Variants in CHCHD2 observed in about 807,000 individuals in gnomAD.
CHCHD2 encodes the protein coiled-coil-helix-coiled-coil-helix domain containing 2.
CHCHD2 carries 17 observed loss-of-function variants against 17.5 expected under a neutral mutation model. That is an observed-to-expected ratio of 0.97 (90% CI 0.67 to 1.46). CHCHD2 has a LOEUF of 1.46. Among genes scored for constraint, CHCHD2 ranks in the 40% most tolerant of loss-of-function variants. The pLI, the probability that CHCHD2 is intolerant of heterozygous loss-of-function variation, is 0.00. For missense variants in CHCHD2, 175 were observed against 199.9 expected (o/e 0.88, Z 0.75); for synonymous variants, 63 against 74.3 (o/e 0.85, Z 0.78).
Position 56,101,839 on chromosome 7 carries a change from T to C in CHCHD2, c.*12A>G. 1 of 1,611,834 alleles carries C rather than the reference T, an allele frequency of 6.2e-7. No individual in the cohort carries two copies. The highest frequency in any genetic ancestry group is 8.5e-7 in the Non-Finnish European group (1 of 1,178,478). ...GAGCTGATTTTCCATCTCTCCAGGTTGAACTTCTTCATTAGGCCAATCCTG... is the reference window on the plus strand; with the variant it reads ...GAGCTGATTTTCCATCTCTCCAGGTCGAACTTCTTCATTAGGCCAATCCTG... On this transcript the variant is annotated 3_prime_UTR_variant, in exon 4 of 4. Transcript: ENST00000395422.
chr7:56,104,719 T>C (rs1341365548), intron 1 of CHCHD2, among the ~76,000 whole-genome samples: 2 of 152,068 alleles, frequency 1.3e-5, no homozygotes, highest in Non-Finnish European at 2.9e-5. Flanking sequence ...GCGATTCTCT[T>C]GCCTCAGCCT....
At chr7:56,104,654 CT>C (rs1459100852) in intron 1 of CHCHD2, among the ~76,000 whole-genome samples, 179 bp from the exon 2 acceptor site, 1 of 151,772 alleles carries the variant, frequency 6.6e-6, no homozygotes, top group African/African-American at 2.4e-5. Context: ...GTTGCCCAGG[CT>C]GGAGTGCAAT....
At chr7:56,103,625 A>G (rs149581099) in intron 2 of CHCHD2, among the ~76,000 whole-genome samples, 1 of 152,332 alleles carries the variant, frequency 6.6e-6, no homozygotes, top group Non-Finnish European at 1.5e-5. Context: ...CTGAAAGCCA[A>G]CAGTTTTAAC....
chr7:56,104,567 T>A, intron 1 of CHCHD2, 92 bp from the exon 2 acceptor site: 5 of 1,258,084 alleles, frequency 4.0e-6, no homozygotes, highest in Non-Finnish European at 5.4e-6. Flanking sequence ...AAAATGGACC[T>A]CAAGATTTTC....
In CHCHD2 at chr7:56,102,753, G is replaced by A. The variant is rs997124700; in HGVS notation, c.445+114C>T. Reference sequence around the variant, plus strand: ...GCCCAGTTGTTAGGAGTTAATTCTAGAGAAATTTCAACAAAGTCTTCTCTA... The same window carrying A: ...GCCCAGTTGTTAGGAGTTAATTCTAAAGAAATTTCAACAAAGTCTTCTCTA... On this transcript the variant is annotated intron_variant, in intron 3 of 3. Coordinates refer to ENST00000395422, the MANE Select transcript of CHCHD2 (RefSeq NM_016139.4). 1.4e-5 allele frequency: 16 copies of A among 1,134,148 alleles called. No homozygotes were observed. The Admixed American group carries it at 3.3e-4, about 23-fold the overall frequency. 70.3% of individuals were successfully genotyped at this position (1,134,148 alleles called of 1,614,324 possible). A position where few individuals can be genotyped will look rare whatever the true frequency, so the allele number is the denominator to read the frequency against.
chr7:56,102,380 G>A (rs141120984), intron 3 of CHCHD2, among the ~76,000 whole-genome samples: 2 of 146,250 alleles, frequency 1.4e-5, no homozygotes, highest in East Asian at 2.0e-4. Flanking sequence ...ATTTGAGACA[G>A]TGTCTCCCAC....
chr7:56,104,468 G>A lies in CHCHD2; in HGVS notation c.58C>T (p.Pro20Ser). 1 of 1,558,764 alleles carries A rather than the reference G, an allele frequency of 6.4e-7. No homozygotes were observed. Among genetic ancestry groups the A allele is most frequent in the South Asian group, 1.2e-5 (1 of 85,176 alleles). ...GGCCTGGGTGCAGCTCTCATCTGAG[G>A]GGCCCGGCTGTGAAAGAAAAGAAAA... is the stretch of plus-strand genomic sequence containing the variant. ...SRMAPPASRA[P>S]QMRAAPRPAP... is the part of the protein sequence containing the mutation. The change falls in exon 2 of 4, where the codon CCT becomes TCT. Residue 20 changes from proline to serine, a missense_variant. Pro to Ser is a moderately conservative substitution (Grantham distance 74, BLOSUM62 -1). Coordinates refer to ENST00000395422, the MANE Select transcript of CHCHD2 (RefSeq NM_016139.4).
At chr7:56,105,973 A>C (rs970209451) in intron 1 of CHCHD2, among the ~76,000 whole-genome samples, 22 of 152,314 alleles carry the variant, frequency 1.4e-4, no homozygotes, top group Admixed American at 1.4e-3. Context: ...AACAATTTCG[A>C]GACCCCTTCT....
intron 3 of CHCHD2, 175 bp downstream of exon 3, chr7:56,102,680 AGGAAGAAAATTC>A: frequency 3.1e-6 from 2 of 641,724 alleles, no homozygotes; most frequent in Non-Finnish European, 2.6e-6. Flanking sequence ...TACCTTCTAA[AGGAAGAAAATTC>A]AGAAAATTAC....
chr7:56,102,815 T>A, intron 3 of CHCHD2, 52 bp downstream of exon 3: 6 of 1,592,452 alleles, frequency 3.8e-6, no homozygotes, highest in Non-Finnish European at 5.2e-6. Flanking sequence ...TTCTACAGGA[T>A]CCAGGAATTC....
intron 3 of CHCHD2, 144 bp downstream of exon 3, chr7:56,102,723 C>T (rs1415534919): frequency 2.4e-6 from 2 of 834,830 alleles, no homozygotes; most frequent in African/African-American, 1.7e-5. Flanking sequence ...GACTAGAAAC[C>T]TCCGGCCCAG....
At position 56,102,974 on chromosome 7, in the gene CHCHD2, GGCT is replaced by G. The variant is rs748437721; in HGVS notation, c.335_337del (p.Gln112del). The G allele has an allele frequency of 5.6e-6, 9 of 1,614,008 alleles. No individual in the cohort carries two copies. The highest frequency in any genetic ancestry group is 1.7e-5 in the Admixed American group (1 of 60,000). ...AAACTGTTTGATCTCATAGAGGCAAGGCTGCTGCTGCTGTGCTGGCTGGGTTCC... is the reference window on the plus strand; with the variant it reads ...AAACTGTTTGATCTCATAGAGGCAAGGCTGCTGCTGTGCTGGCTGGGTTCC... On this transcript the variant is annotated inframe_deletion, in exon 3 of 4. Coordinates refer to ENST00000395422, the MANE Select transcript of CHCHD2 (RefSeq NM_016139.4).
chr7:56,102,946 C>T lies in CHCHD2; in HGVS notation c.366G>A (p.Leu122=). The part of the protein sequence containing the change: ...QPCLYEIKQF[L]ECAQNQGDIK... ...TGTCACCCTGGTTCTGGGCACACTC[C>T]AGAAACTGTTTGATCTCATAGAGGC... Residue 122 remains leucine, a synonymous_variant, in exon 3 of 4, where the codon CTG becomes CTA. Coordinates refer to ENST00000395422, the MANE Select transcript of CHCHD2 (RefSeq NM_016139.4). The T allele has an allele frequency of 6.2e-7, 1 of 1,614,146 alleles. No individual in the cohort carries two copies. The highest frequency in any genetic ancestry group is 1.6e-4 in the Middle Eastern group (1 of 6,062).
chr7:56,106,330 C>G (rs1785383672), intron 1 of CHCHD2, 34 bp downstream of exon 1: 4 of 1,607,702 alleles, frequency 2.5e-6, no homozygotes, highest in Admixed American at 3.4e-5. Context: ...TCCGGACGGC[C>G]GCGCTTTGGT....
Position 56,106,391 on chromosome 7 carries a change from C to T in CHCHD2, c.23G>A (p.Arg8His), listed in dbSNP as rs1319664627. 16 of 1,613,398 alleles carry T rather than the reference C, an allele frequency of 9.9e-6. No homozygotes were observed. In the East Asian group the frequency reaches 3.6e-4, roughly 36 times the overall value. The change falls in exon 1 of 4, where the codon CGC becomes CAC. Residue 8 changes from arginine (R) to histidine (H), a missense_variant. Transcript: ENST00000395422. The part of the protein sequence containing the change: MPRGSRS[R>H]TSRMAPPASR... ...GGCCGGAGGGGCCATGCGGGAGGTG[C>T]GGCTTCGGCTTCCACGCGGCATCCT... is the stretch of plus-strand genomic sequence containing the variant.
rs1427631250 is a variant in CHCHD2 at position 56,104,416 on chromosome 7, G to C, written c.110C>G (p.Ala37Gly). 1 of 1,609,856 alleles carries C rather than the reference G, an allele frequency of 6.2e-7. No homozygotes were observed. The highest frequency in any genetic ancestry group is 8.5e-7 in the Non-Finnish European group (1 of 1,178,470). ...RPAPVAQPPA[A>G]APPSAVGSSA... ...AGAGCCAACTGCAGATGGGGGTGCC[G>C]CTGCTGGTGGCTGAGCGACTGGTGC... The change falls in exon 2 of 4, where the codon GCG (alanine) becomes GGG (glycine). Residue 37 changes from alanine (A) to glycine (G), a missense_variant. By Grantham distance (60) the Ala-to-Gly change is moderately conservative. Transcript: ENST00000395422.
intron 2 of CHCHD2, among the ~76,000 whole-genome samples, chr7:56,103,879 A>G (rs1170974190): frequency 6.6e-6 from 1 of 152,250 alleles, no homozygotes; most frequent in Admixed American, 6.5e-5. Context: ...CACGTAAAAG[A>G]ACACACAGCT....
intron 3 of CHCHD2, 90 bp downstream of exon 3, chr7:56,102,777 T>A (rs1383445673): frequency 7.2e-7 from 1 of 1,387,786 alleles, no homozygotes; most frequent in African/African-American, 1.4e-5. Context: ...AAGTCTTCTC[T>A]AATTTATTAA....
chr7:56,101,974 TTTTTTG>T, intron 3 of CHCHD2, 113 bp from the exon 4 acceptor site: 2 of 987,336 alleles, frequency 2.0e-6, no homozygotes, highest in South Asian at 1.5e-5. Flanking sequence ...GGGTTTTTTG[TTTTTTG>T]TTTTTTTTTG....
Sources: gnomAD v4.1 joint callset for allele counts (sites outside exome capture counted in the v4.1 genomes callset) on GRCh38, gnomAD v4.1.1 for gene constraint, MANE v1.5 for transcripts, NCBI Gene and HGNC (gene_info 2026-07-23, HGNC 2026-07-21) for gene names.